TRPC1: variants seen among roughly 807,000 people sequenced by gnomAD.
TRPC1 encodes short transient receptor potential channel 1.
Under a neutral mutation model 88.2 loss-of-function variants are expected in TRPC1, and 42 were observed. That is an observed-to-expected ratio of 0.48 (90% CI 0.37 to 0.62). The LOEUF is 0.62. Ranked by LOEUF, TRPC1 falls within the 20% of genes least tolerant of loss-of-function variation. The pLI is 0.00. For synonymous variants in TRPC1, 288 were observed against 331.8 expected (o/e 0.87, Z 1.43); for missense variants, 699 against 957.3 (o/e 0.73, Z 3.56).
chr3:142,806,022 G>A lies in TRPC1; in HGVS notation c.2169G>A (p.Leu723=). 1 of 1,613,188 alleles carries A rather than the reference G, an allele frequency of 6.2e-7. No individual in the cohort carries two copies. The change falls in exon 13 of 13, where the codon TTG becomes TTA. Residue 723 remains leucine (L), a synonymous_variant. Transcript: ENST00000476941. ...TTGTTTTGAAGGAATGGAGGAATTTGAAACAGAAGAGAGATGAAAACTATC... is the reference window on the plus strand; with the variant it reads ...TTGTTTTGAAGGAATGGAGGAATTTAAAACAGAAGAGAGATGAAAACTATC... ...RQNSLKEWRN[L]KQKRDENYQK... is the part of the protein sequence containing the mutation.
chr3:142,796,484 T>A (rs1352561289), intron 9 of TRPC1, among the ~76,000 whole-genome samples: 1 of 152,060 alleles, frequency 6.6e-6, no homozygotes, highest in Non-Finnish European at 1.5e-5. Context: ...TTATTTCCTT[T>A]TTTCCTTACC....
rs1935443903 is a variant in TRPC1, at chr3:142,767,736, A to G, written c.633-9896A>G. Reference sequence around the variant, plus strand: ...GCAGTCACTCTCCCAGCTGGTGGCAACTACTAAATCTACTTTCTGTCCCTA... The same window carrying G: ...GCAGTCACTCTCCCAGCTGGTGGCAGCTACTAAATCTACTTTCTGTCCCTA... On this transcript the variant is annotated intron_variant, in intron 4 of 12. Coordinates refer to ENST00000476941, the MANE Select transcript of TRPC1 (RefSeq NM_001251845.2). This position sits in a 1 kb window ranked among gnomAD's most constrained non-coding sequence, Gnocchi z 5.1. Among the ~76,000 whole-genome samples, 2 of 151,938 alleles carry G rather than the reference A, an allele frequency of 1.3e-5. No homozygotes were observed. The highest frequency in any genetic ancestry group is 2.1e-4 in the South Asian group (1 of 4,824).
At chr3:142,755,487 A>C (rs867663371) in intron 4 of TRPC1, among the ~76,000 whole-genome samples, 4 of 152,294 alleles carry the variant, frequency 2.6e-5, no homozygotes, top group African/African-American at 7.2e-5. Context: ...AGTCTCATCA[A>C]TGGCTTAGTT....
intron 7 of TRPC1, 26 bp from the exon 8 acceptor site, chr3:142,790,993 T>A: frequency 6.5e-7 from 1 of 1,536,366 alleles, no homozygotes; most frequent in Non-Finnish European, 8.7e-7. Context: ...GAAAGTGTTA[T>A]CTGATTTTTT....
chr3:142,789,063 C>G (rs562051165), intron 7 of TRPC1, among the ~76,000 whole-genome samples: 4 of 152,136 alleles, frequency 2.6e-5, no homozygotes, highest in Non-Finnish European at 4.4e-5. Flanking sequence ...AAACATCTTT[C>G]TTAGTTTGAT....
chr3:142,796,576 T>C (rs1284124720), intron 9 of TRPC1, among the ~76,000 whole-genome samples: 1 of 151,902 alleles, frequency 6.6e-6, no homozygotes, highest in African/African-American at 2.4e-5. Flanking sequence ...GATGTGATTA[T>C]TATCAGTTCC....
chr3:142,771,368 G>T (rs1236427605), intron 4 of TRPC1, among the ~76,000 whole-genome samples: 11 of 152,154 alleles, frequency 7.2e-5, no homozygotes, highest in African/African-American at 2.2e-4. Flanking sequence ...TAGAGATGGG[G>T]TTTTGCCACG....
intron 4 of TRPC1, among the ~76,000 whole-genome samples, chr3:142,749,216 AC>A (rs1369366663): frequency 6.6e-6 from 1 of 152,138 alleles, no homozygotes; most frequent in African/African-American, 2.4e-5. Flanking sequence ...CGCATTACTC[AC>A]GTTTGTGGTG....
intron 1 of TRPC1, among the ~76,000 whole-genome samples, chr3:142,734,466 G>A (rs1325296186): frequency 6.6e-6 from 1 of 151,978 alleles, no homozygotes; most frequent in African/African-American, 2.4e-5. Flanking sequence ...GCAGGAAAGA[G>A]AGAGGAAAAA....
At chr3:142,725,071 G>A (rs1384377677) in intron 1 of TRPC1, among the ~76,000 whole-genome samples, 1 of 152,196 alleles carries the variant, frequency 6.6e-6, no homozygotes, top group Non-Finnish European at 1.5e-5. Context: ...TCTTCTCTCT[G>A]GCTCGCAGTT....
At position 142,780,967 on chromosome 3, in the gene TRPC1, T is replaced by C; in HGVS notation, c.898T>C (p.Leu300=). The C allele has an allele frequency of 6.2e-7, 1 of 1,613,830 alleles. No individual in the cohort carries two copies. Residue 300 remains leucine (L), a synonymous_variant, in exon 6 of 13, where the codon TTA becomes CTA. Coordinates refer to ENST00000476941, the MANE Select transcript of TRPC1 (RefSeq NM_001251845.2). The part of the protein sequence containing the change: ...SSDEPLDKRG[L]LEERMNLSRL... The stretch of plus-strand genomic sequence containing the variant: ...TGACGAGCCTCTTGACAAACGGGGA[T>C]TATTAGAAGAAAGAATGAATTTAAG...
At chr3:142,768,040 G>T (rs1205692938) in intron 4 of TRPC1, among the ~76,000 whole-genome samples, 5 of 151,918 alleles carry the variant, frequency 3.3e-5, no homozygotes, top group Admixed American at 6.5e-5. Context: ...AGAAGCCATT[G>T]CTTAATTTGG....
intron 4 of TRPC1, among the ~76,000 whole-genome samples, chr3:142,753,094 C>T (rs73230588): frequency 0.11 from 16,203 of 152,038 alleles, 1,035 homozygotes; most frequent in Non-Finnish European, 0.15. Context: ...GAATATTTTT[C>T]AAATTATATG....
Position 142,743,468 on chromosome 3 carries a change from T to C in TRPC1, c.328-17T>C. ...TTTATCTTCCATTTTCATTTTTAACTTTTTTTTTTTTTGAAGTCTGCAGAT... is the reference window on the plus strand; with the variant it reads ...TTTATCTTCCATTTTCATTTTTAACCTTTTTTTTTTTTGAAGTCTGCAGAT... On this transcript the variant is annotated splice_polypyrimidine_tract_variant and intron_variant, in intron 2 of 12. Transcript: ENST00000476941. 2.9e-6 allele frequency: 1 copy of C among 345,874 alleles called. No homozygotes were observed. The highest frequency in any genetic ancestry group is 4.4e-6 in the Non-Finnish European group (1 of 229,664). 21.4% of individuals were successfully genotyped at this position (345,874 alleles called of 1,614,324 possible).
Position 142,724,595 on chromosome 3 carries a change from G to C in TRPC1, c.36G>C (p.Ser12=), listed in dbSNP as rs758352959. 1.2e-6 allele frequency: 2 copies of C among 1,601,012 alleles called. No individual in the cohort carries two copies. Among genetic ancestry groups the C allele is most frequent in the Non-Finnish European group, 1.7e-6 (2 of 1,174,900 alleles). The change falls in exon 1 of 13, where the codon TCG becomes TCC. Residue 12 remains serine (S), a synonymous_variant. Transcript: ENST00000476941. The surrounding 1 kb of genome is among the most constrained non-coding windows in gnomAD (Gnocchi z 5.6). ...MAALYPSTDL[S]GASSSSLPSS... is the part of the protein sequence containing the mutation. The stretch of plus-strand genomic sequence containing the variant: ...CCCTGTACCCGAGCACGGACCTCTC[G>C]GGCGCCTCCTCCTCCTCCCTGCCTT...
intron 4 of TRPC1, among the ~76,000 whole-genome samples, chr3:142,770,179 C>G (rs958939077): frequency 6.7e-6 from 1 of 149,090 alleles, no homozygotes. Context: ...CTACTGTAAC[C>G]TCTGCCTCCT....
chr3:142,758,759 T>C (rs1935074022), intron 4 of TRPC1, among the ~76,000 whole-genome samples: 1 of 152,108 alleles, frequency 6.6e-6, no homozygotes, highest in Admixed American at 6.6e-5. Context: ...ACATGTGCCA[T>C]GTTGGTGTGC....
intron 8 of TRPC1, among the ~76,000 whole-genome samples, 193 bp downstream of exon 8, chr3:142,791,351 G>A (rs1364087156): frequency 6.6e-6 from 1 of 151,908 alleles, no homozygotes; most frequent in African/African-American, 2.4e-5. Context: ...TTTACATGAT[G>A]GTTATTTATT....
intron 5 of TRPC1, among the ~76,000 whole-genome samples, chr3:142,779,283 G>T (rs1935882084): frequency 6.6e-6 from 1 of 152,090 alleles, no homozygotes; most frequent in Non-Finnish European, 1.5e-5. Context: ...ACTAAAAGTA[G>T]GAGCAAAGTT....
Sources: allele counts gnomAD v4.1 joint callset (sites outside exome capture counted in the v4.1 genomes callset), GRCh38; gene constraint gnomAD v4.1.1; non-coding constraint Gnocchi (gnomAD v3.1); transcripts MANE v1.5; gene names NCBI Gene and HGNC (gene_info 2026-07-23, HGNC 2026-07-21).